SLIT2: variants seen among roughly 807,000 people sequenced by gnomAD.
SLIT2 encodes the protein slit guidance ligand 2.
SLIT2 carries 41 observed loss-of-function variants against 185.7 expected under a neutral mutation model. That is an observed-to-expected ratio of 0.22 (90% CI 0.17 to 0.29). The LOEUF (loss-of-function observed/expected upper bound fraction) is 0.29. Among genes scored for constraint, SLIT2 ranks in the 10% least tolerant of loss-of-function variants. The pLI, the probability that SLIT2 is intolerant of heterozygous loss-of-function variation, is 1.00. For synonymous variants in SLIT2, 693 were observed against 680.2 expected, an observed-to-expected ratio of 1.02 and a Z score of -0.29; for missense variants, 1,571 against 1,909.0, an observed-to-expected ratio of 0.82 and a Z score of 3.30.
intron 10 of SLIT2, 121 bp downstream of exon 10, chr4:20,510,687 A>G (rs1719620693): frequency 4.9e-6 from 3 of 618,018 alleles, no homozygotes; most frequent in African/African-American, 3.7e-5. Flanking sequence ...AAGTGATGTG[A>G]CTGTCTGATT....
intron 23 of SLIT2, 54 bp from the exon 24 acceptor site, chr4:20,549,003 T>G (rs1577905815): frequency 3.1e-6 from 3 of 968,130 alleles, no homozygotes; most frequent in Non-Finnish European, 5.0e-6. Context: ...TTTGGAAGTA[T>G]TTGGCCATTT....
chr4:20,617,112 C>T lies in SLIT2; in HGVS notation c.4050C>T (p.Ser1350=), dbSNP rs1181306390. 2 of 1,611,662 alleles carry T rather than the reference C, an allele frequency of 1.2e-6. No homozygotes were observed. The highest frequency in any genetic ancestry group is 1.7e-6 in the Non-Finnish European group (2 of 1,177,892). The change falls in exon 35 of 37, where the codon AGC becomes AGT. Residue 1350 remains serine, a synonymous_variant. Coordinates refer to ENST00000504154, the MANE Select transcript of SLIT2 (RefSeq NM_004787.4). The part of the protein sequence containing the change: ...VCAHGTCQPS[S]QAGFTCECQE... ...CCCATGGCACATGCCAGCCCAGCAG[C>T]CAGGCAGGCTTCACCTGCGAGTGCC... is the stretch of plus-strand genomic sequence containing the variant.
intron 4 of SLIT2, among the ~76,000 whole-genome samples, chr4:20,285,280 A>G (rs1715155924): frequency 6.6e-6 from 1 of 152,218 alleles, no homozygotes; most frequent in Non-Finnish European, 1.5e-5. Flanking sequence ...CATCTGCAAC[A>G]AAGATTAACA....
At position 20,420,324 on chromosome 4, in the gene SLIT2, G is replaced by A. The variant is rs183911208; in HGVS notation, c.396-47428G>A. On this transcript the variant is annotated intron_variant, in intron 4 of 36. Transcript: ENST00000504154. ...GTTCCAAGAAGCCTTTGAGAATCAT[G>A]TTGTACTTACAGAAGCACTCACTAT... Among the ~76,000 whole-genome samples the A allele has an allele frequency of 5.5e-3, 842 of 152,232 alleles. 17 individuals carry two copies. Among genetic ancestry groups the A allele is most frequent in the Middle Eastern group, 0.027 (8 of 294 alleles).
chr4:20,583,028 A>G (rs944824489), intron 29 of SLIT2, among the ~76,000 whole-genome samples: 2 of 152,166 alleles, frequency 1.3e-5, no homozygotes, highest in Non-Finnish European at 2.9e-5. Flanking sequence ...GCAATTCAAG[A>G]CTTACGAATT....
At chr4:20,325,423 G>T (rs1421613432) in intron 4 of SLIT2, among the ~76,000 whole-genome samples, 1 of 106,936 alleles carries the variant, frequency 9.4e-6, no homozygotes, top group Non-Finnish European at 1.8e-5. Context: ...GGTGGGGGTG[G>T]GGGGTGGGAA....
chr4:20,463,448 G>GATATATATATATAT (rs56256520), intron 4 of SLIT2, among the ~76,000 whole-genome samples: 26 of 67,296 alleles, frequency 3.9e-4, no homozygotes, highest in South Asian at 5.7e-4. Context: ...CTCAAACTGT[G>GATATATATATATAT]ATATATATAT....
chr4:20,531,135 C>T (rs968331365), intron 16 of SLIT2, among the ~76,000 whole-genome samples: 1 of 151,610 alleles, frequency 6.6e-6, no homozygotes, highest in African/African-American at 2.4e-5. Context: ...TGTATATGTC[C>T]AAAAAACGAC....
intron 34 of SLIT2, chr4:20,616,702 A>C: frequency 4.3e-6 from 2 of 466,024 alleles, no homozygotes; most frequent in South Asian, 1.2e-4. Flanking sequence ...CTAGTTGTGG[A>C]TTAGAATTTC....
At chr4:20,307,941 G>A (rs1214286578) in intron 4 of SLIT2, among the ~76,000 whole-genome samples, 1 of 152,138 alleles carries the variant, frequency 6.6e-6, no homozygotes, top group Non-Finnish European at 1.5e-5. Flanking sequence ...TATCTATTTG[G>A]TGCTACACAT....
chr4:20,489,353 A>G (rs976782765), intron 8 of SLIT2, among the ~76,000 whole-genome samples: 7 of 152,352 alleles, frequency 4.6e-5, no homozygotes, highest in South Asian at 2.1e-4. Context: ...GATCCCTGCT[A>G]TGAAATTCAA....
rs375351643 is a variant in SLIT2 at position 20,616,967 on chromosome 4, C to A, written c.3905C>A (p.Thr1302Asn). ...SLRQAPGQNG[T>N]SFHGCIRNLY... ...CGCCAGGCCCCTGGGCAGAACGGAA[C>A]CAGCTTCCACGGCTGCATCCGGAAC... The change falls in exon 35 of 37, where the codon ACC (threonine) becomes AAC (asparagine). Residue 1302 changes from threonine to asparagine, a missense_variant. By Grantham distance (65) the Thr-to-Asn change is moderately conservative (BLOSUM62 0). This residue lies in a region of SLIT2 where 146 missense variants were observed against 247.4 expected (regional missense o/e 0.59). Transcript: ENST00000504154. 1 of 1,613,860 alleles carries A rather than the reference C, an allele frequency of 6.2e-7. No individual in the cohort carries two copies. The highest frequency in any genetic ancestry group is 1.1e-5 in the South Asian group (1 of 91,084).
chr4:20,578,263 T>G (rs999833750), intron 29 of SLIT2, among the ~76,000 whole-genome samples: 6 of 152,184 alleles, frequency 3.9e-5, no homozygotes, highest in Admixed American at 1.3e-4. Flanking sequence ...AATATAAATA[T>G]AAAGGTATCC....
intron 29 of SLIT2, among the ~76,000 whole-genome samples, chr4:20,586,083 T>G (rs772729113): frequency 3.3e-5 from 5 of 152,200 alleles, no homozygotes; most frequent in Non-Finnish European, 5.9e-5. Context: ...AGGAGCTTGC[T>G]AAGTTTCCCT....
At chr4:20,557,264 G>A (rs959331994) in intron 26 of SLIT2, among the ~76,000 whole-genome samples, 3 of 152,184 alleles carry the variant, frequency 2.0e-5, no homozygotes, top group South Asian at 4.1e-4. Context: ...GGAAGCAGAT[G>A]TCATCTAGGA....
chr4:20,570,474 T>C (rs1263945389), intron 29 of SLIT2, among the ~76,000 whole-genome samples: 1 of 151,868 alleles, frequency 6.6e-6, no homozygotes, highest in Non-Finnish European at 1.5e-5. Flanking sequence ...TTAACTTCAT[T>C]GGATGGGCTA....
chr4:20,559,477 G>T (rs1012654298), intron 26 of SLIT2, among the ~76,000 whole-genome samples: 1 of 151,910 alleles, frequency 6.6e-6, no homozygotes, highest in African/African-American at 2.4e-5. Context: ...CTATTTTGAA[G>T]TTTCATTGTC....
At position 20,475,341 on chromosome 4, in the gene SLIT2, C is replaced by G. The variant is rs528045296; in HGVS notation, c.468-5375C>G. On this transcript the variant is annotated intron_variant, in intron 5 of 36. Transcript: ENST00000504154. ...GTTTTTTTTTTTTTTTCCTTTCTTT[C>G]ATGACTACATCAGCCTAGAGTAATC... Among the ~76,000 whole-genome samples the G allele has an allele frequency of 3.5e-5, 5 of 141,056 alleles. No individual in the cohort carries two copies. The East Asian group carries it at 6.3e-4, about 18-fold the overall frequency. 92.5% of individuals were successfully genotyped at this position (141,056 alleles called of 152,430 possible).
chr4:20,385,330 G>A (rs1410097860), intron 4 of SLIT2, among the ~76,000 whole-genome samples: 1 of 152,120 alleles, frequency 6.6e-6, no homozygotes, highest in South Asian at 2.1e-4. Context: ...TTCTTTAACA[G>A]TTGTGTATTT....
Sources: allele counts gnomAD v4.1 joint callset (sites outside exome capture counted in the v4.1 genomes callset), GRCh38; gene constraint gnomAD v4.1.1; regional missense constraint gnomAD v4.1.1; transcripts MANE v1.5; gene names NCBI Gene and HGNC (gene_info 2026-07-23, HGNC 2026-07-21).